Variants in PHF14 observed in about 807,000 individuals in gnomAD.
PHF14 encodes PHD finger protein 14.
Under a neutral mutation model 117.9 loss-of-function variants are expected in PHF14, and 55 were observed. The observed-to-expected ratio is 0.47, with a 90% CI of 0.38 to 0.58. The LOEUF is 0.58. PHF14 is among the 20% of genes least tolerant of loss of function. The pLI, the probability that PHF14 is intolerant of heterozygous loss-of-function variation, is 0.00. For missense variants in PHF14, 978 were observed against 1,122.2 expected, an observed-to-expected ratio of 0.87 and a Z score of 1.84; for synonymous variants, 409 against 368.6, an observed-to-expected ratio of 1.11 and a Z score of -1.26.
rs765632919 is a variant in PHF14 at position 10,982,755 on chromosome 7, G to A, written c.496G>A (p.Val166Ile). 1.2e-6 allele frequency: 2 copies of A among 1,613,868 alleles called. No homozygotes were observed. The highest frequency in any genetic ancestry group is 1.7e-5 in the Admixed American group (1 of 59,966). ...TCCTGCTGTTAACACATCCCCTTCT[G>A]TTCCCACTACGACAACCGCTACAGA... The part of the protein sequence containing the change: ...SPPAVNTSPS[V>I]PTTTTATEEQ... The change falls in exon 3 of 18, where the codon GTT becomes ATT. Residue 166 changes from valine to isoleucine, a missense_variant. This residue lies in a region of PHF14 where 414 missense variants were observed against 376.4 expected (regional missense o/e 1.10). Coordinates refer to ENST00000634607, the MANE Select transcript of PHF14 (RefSeq NM_001007157.2).
At chr7:11,003,746 C>G (rs994606813) in intron 4 of PHF14, among the ~76,000 whole-genome samples, 1 of 152,114 alleles carries the variant, frequency 6.6e-6, no homozygotes, top group Non-Finnish European at 1.5e-5. Flanking sequence ...TTAAAATATT[C>G]TTAATTATAA....
intron 2 of PHF14, among the ~76,000 whole-genome samples, chr7:10,975,760 A>T (rs961816919): frequency 2.4e-4 from 37 of 152,200 alleles, no homozygotes; most frequent in African/African-American, 8.9e-4. Context: ...TGAAAATTTA[A>T]ATAAAATGAG....
rs571788995 is a variant in PHF14, at chr7:11,124,714, C to A, written c.2772+13247C>A. ...AACCCAGATCTCCCTGACTCTAGAG[C>A]CTGTGTTTTAGAAACTAGATTTTAT... is the stretch of plus-strand genomic sequence containing the variant. On this transcript the variant is annotated intron_variant, in intron 17 of 17. Coordinates refer to ENST00000634607, the MANE Select transcript of PHF14 (RefSeq NM_001007157.2). Among the ~76,000 whole-genome samples, 3 of 151,960 alleles carry A rather than the reference C, an allele frequency of 2.0e-5. No individual in the cohort carries two copies. The East Asian group carries it at 5.8e-4, about 29-fold the overall frequency.
At chr7:10,980,314 G>C (rs1205669508) in intron 2 of PHF14, among the ~76,000 whole-genome samples, 2 of 152,098 alleles carry the variant, frequency 1.3e-5, no homozygotes, top group African/African-American at 2.4e-5. Flanking sequence ...TTATGGCATT[G>C]CTTCCCTTCT....
At chr7:11,122,350 T>TACAC (rs1179471501) in intron 17 of PHF14, among the ~76,000 whole-genome samples, 85 of 63,084 alleles carry the variant, frequency 1.3e-3, no homozygotes, top group South Asian at 6.4e-3. Flanking sequence ...TATATATATA[T>TACAC]ATACACACAC....
Position 11,036,458 on chromosome 7 carries a change from C to T in PHF14, c.1643C>T (p.Ala548Val), listed in dbSNP as rs1285333959. The change falls in exon 9 of 18, where the codon GCA (alanine) becomes GTA (valine). Residue 548 changes from alanine to valine, a missense_variant. By Grantham distance (64) the Ala-to-Val change is moderately conservative. Around this residue, in one of 7 missense-constraint regions of PHF14, gnomAD observed 237 missense variants for 276.4 expected, o/e 0.86. Transcript: ENST00000634607. ...NARLQQYRAKAELARSTRPQA... is the reference protein window; with the variant it reads ...NARLQQYRAKVELARSTRPQA... ...CGGCTTCAGCAGTATCGTGCCAAAGCAGAACTAGCTCGATCTACCAGACCC... is the reference window on the plus strand; with the variant it reads ...CGGCTTCAGCAGTATCGTGCCAAAGTAGAACTAGCTCGATCTACCAGACCC... 1 of 1,613,512 alleles carries T rather than the reference C, an allele frequency of 6.2e-7. No homozygotes were observed. The highest frequency in any genetic ancestry group is 8.5e-7 in the Non-Finnish European group (1 of 1,179,644).
At chr7:11,039,660 G>T (rs901903131) in intron 11 of PHF14, among the ~76,000 whole-genome samples, 1 of 152,168 alleles carries the variant, frequency 6.6e-6, no homozygotes, top group African/African-American at 2.4e-5. Flanking sequence ...GGTTTATGGA[G>T]AGTCAAATTC....
At chr7:10,992,942 G>A (rs943156846) in intron 4 of PHF14, among the ~76,000 whole-genome samples, 1 of 151,550 alleles carries the variant, frequency 6.6e-6, no homozygotes, top group African/African-American at 2.4e-5. Context: ...TTTTTATTTT[G>A]GTTTGTTTTT....
At chr7:11,129,227 A>C (rs763505988) in intron 17 of PHF14, among the ~76,000 whole-genome samples, 28 of 152,070 alleles carry the variant, frequency 1.8e-4, no homozygotes, top group Non-Finnish European at 3.5e-4. Context: ...TTTGCCTTAG[A>C]GGCCCAAGGC....
chr7:11,003,925 G>T (rs376013618), intron 4 of PHF14, among the ~76,000 whole-genome samples: 5 of 152,068 alleles, frequency 3.3e-5, no homozygotes, highest in African/African-American at 1.2e-4. Flanking sequence ...TATGTCCTCT[G>T]TGGAAAACAT....
chr7:11,040,778 A>T lies in PHF14; in HGVS notation c.2180+3A>T. 2 of 1,378,440 alleles carry T rather than the reference A, an allele frequency of 1.5e-6. No homozygotes were observed. Among genetic ancestry groups the T allele is most frequent in the Non-Finnish European group, 2.0e-6 (2 of 1,005,266 alleles). 85.4% of individuals were successfully genotyped at this position (1,378,440 alleles called of 1,614,324 possible). ...ACTCTTCCTGCAGTACTTTATAGGC[A>T]AGTAATGAAATTAATAATGATAGAA... On this transcript the variant is annotated splice_donor_region_variant and intron_variant, in intron 12 of 17. Transcript: ENST00000634607.
chr7:11,131,297 AGTT>A (rs1297774025), intron 17 of PHF14, among the ~76,000 whole-genome samples: 1 of 151,874 alleles, frequency 6.6e-6, no homozygotes, highest in African/African-American at 2.4e-5. Context: ...AACAAATGAG[AGTT>A]GTTGTTCCAT....
At chr7:11,002,864 C>T (rs759459270) in intron 4 of PHF14, among the ~76,000 whole-genome samples, 2 of 152,170 alleles carry the variant, frequency 1.3e-5, no homozygotes, top group Non-Finnish European at 2.9e-5. Context: ...GGTTGAGGGT[C>T]AATGCAGATG....
At chr7:11,008,890 G>T (rs1299201229) in intron 4 of PHF14, among the ~76,000 whole-genome samples, 1 of 151,856 alleles carries the variant, frequency 6.6e-6, no homozygotes, top group East Asian at 1.9e-4. Flanking sequence ...AAAAAAATTA[G>T]CCGGGCATGG....
intron 4 of PHF14, among the ~76,000 whole-genome samples, chr7:11,004,028 G>A (rs753584695): frequency 6.6e-6 from 1 of 151,872 alleles, no homozygotes; most frequent in Non-Finnish European, 1.5e-5. Context: ...TGGGTGGATC[G>A]CTTGAGCTCA....
intron 16 of PHF14, among the ~76,000 whole-genome samples, chr7:11,065,849 G>C (rs1324559036): frequency 6.6e-6 from 1 of 152,152 alleles, no homozygotes; most frequent in African/African-American, 2.4e-5. Context: ...AGGAGAGAGA[G>C]AAGAAAGGTT....
intron 17 of PHF14, among the ~76,000 whole-genome samples, chr7:11,115,644 A>T (rs1787578615): frequency 1.3e-5 from 2 of 151,970 alleles, no homozygotes; most frequent in African/African-American, 2.4e-5. Context: ...CTATATTATT[A>T]CTGTCTGATC....
At chr7:11,077,544 T>C (rs1219532933) in intron 16 of PHF14, among the ~76,000 whole-genome samples, 2 of 141,236 alleles carry the variant, frequency 1.4e-5, no homozygotes, top group East Asian at 4.2e-4. Context: ...AAGGTTGTAG[T>C]GAGCCCAGAT....
intron 17 of PHF14, among the ~76,000 whole-genome samples, chr7:11,133,811 G>C (rs1788148161): frequency 6.6e-6 from 1 of 151,982 alleles, no homozygotes; most frequent in Non-Finnish European, 1.5e-5. Flanking sequence ...CCTCCTGGAT[G>C]CTTATCTACT....
Sources: gnomAD v4.1 joint callset for allele counts (sites outside exome capture counted in the v4.1 genomes callset) on GRCh38, gnomAD v4.1.1 for gene constraint, gnomAD v4.1.1 regional missense constraint, MANE v1.5 for transcripts, NCBI Gene and HGNC (gene_info 2026-07-23, HGNC 2026-07-21) for gene names.